Variants in ELMO1 observed in about 807,000 individuals in gnomAD.
ELMO1 encodes engulfment and cell motility protein 1.
ELMO1 carries 26 observed loss-of-function variants against 98.9 expected under a neutral mutation model. The observed-to-expected ratio is 0.26, with a 90% confidence interval of 0.19 to 0.36. The LOEUF (loss-of-function observed/expected upper bound fraction) is 0.36. Ranked by LOEUF, ELMO1 falls within the 10% of genes least tolerant of loss-of-function variation. The pLI is 1.00. For synonymous variants in ELMO1, 346 were observed against 346.0 expected (o/e 1.00, Z 0.00); for missense variants, 627 against 935.2 (o/e 0.67, Z 4.30).
chr7:36,861,419 AT>A (rs1470575413), intron 21 of ELMO1, among the ~76,000 whole-genome samples: 1 of 152,054 alleles, frequency 6.6e-6, no homozygotes, highest in East Asian at 1.9e-4. Context: ...CCTTTGCTGC[AT>A]TTGAGGCCTT....
chr7:37,169,099 G>A (rs1466963492), intron 13 of ELMO1, among the ~76,000 whole-genome samples: 2 of 152,200 alleles, frequency 1.3e-5, no homozygotes, highest in African/African-American at 4.8e-5. Context: ...TCAGACTGCT[G>A]TGCTAGCAAT....
At chr7:37,132,184 G>A (rs866394707) in intron 14 of ELMO1, among the ~76,000 whole-genome samples, 2 of 152,156 alleles carry the variant, frequency 1.3e-5, no homozygotes, top group Non-Finnish European at 2.9e-5. Flanking sequence ...TGCCAGGCTC[G>A]AACCCAGGTC....
chr7:37,335,374 A>T (rs933285132), intron 2 of ELMO1, among the ~76,000 whole-genome samples: 1 of 152,112 alleles, frequency 6.6e-6, no homozygotes, highest in Admixed American at 6.5e-5. Flanking sequence ...AATGTGCGGG[A>T]ACAAGCGTCT....
At chr7:37,235,805 C>T (rs1007168560) in intron 7 of ELMO1, among the ~76,000 whole-genome samples, 13 of 152,136 alleles carry the variant, frequency 8.5e-5, no homozygotes, top group African/African-American at 1.9e-4. Context: ...TGGTGGCGGG[C>T]GCCTGTAGTT....
At chr7:37,328,187 A>G (rs1381843802) in intron 2 of ELMO1, among the ~76,000 whole-genome samples, 2 of 152,102 alleles carry the variant, frequency 1.3e-5, no homozygotes, top group Non-Finnish European at 2.9e-5. Flanking sequence ...GTTCGAGACC[A>G]GCCTGGCCAC....
At chr7:37,268,379 G>A (rs1402369542) in intron 5 of ELMO1, among the ~76,000 whole-genome samples, 1 of 152,182 alleles carries the variant, frequency 6.6e-6, no homozygotes, top group East Asian at 1.9e-4. Flanking sequence ...TCAGCTCACT[G>A]TAACCTCCGC....
rs142375042 is a variant in ELMO1, at chr7:36,930,950, C to T, written c.1438-35933G>A. ...CACCTTCAGTCTCCTATCTCTTCCT[C>T]CATCAGTCCTCAAAAGCGGTCAGAA... On this transcript the variant is annotated intron_variant, in intron 16 of 21. Coordinates refer to ENST00000310758, the MANE Select transcript of ELMO1 (RefSeq NM_014800.11). Among the ~76,000 whole-genome samples the T allele has an allele frequency of 1.7e-3, 255 of 152,340 alleles. 1 individual carries two copies. Among genetic ancestry groups the T allele is most frequent in the African/African-American group, 5.9e-3 (245 of 41,586 alleles).
At chr7:37,371,668 A>T (rs958297418) in intron 1 of ELMO1, among the ~76,000 whole-genome samples, 1 of 152,222 alleles carries the variant, frequency 6.6e-6, no homozygotes, top group South Asian at 2.1e-4. Context: ...TTCCTAAAGA[A>T]GTCAGGCGCA....
At chr7:37,160,998 T>C (rs1179291837) in intron 13 of ELMO1, among the ~76,000 whole-genome samples, 8 of 152,120 alleles carry the variant, frequency 5.3e-5, no homozygotes, top group Non-Finnish European at 8.8e-5. Flanking sequence ...CTTCTTCCCC[T>C]ACAACACTGG....
At chr7:36,975,995 C>T (rs990748944) in intron 16 of ELMO1, among the ~76,000 whole-genome samples, 3 of 152,164 alleles carry the variant, frequency 2.0e-5, no homozygotes, top group African/African-American at 7.2e-5. Flanking sequence ...ATATTTTCCT[C>T]CTTGAATAGG....
intron 6 of ELMO1, among the ~76,000 whole-genome samples, chr7:37,248,812 A>T (rs1795160304): frequency 6.6e-6 from 1 of 152,258 alleles, no homozygotes; most frequent in Non-Finnish European, 1.5e-5. Context: ...AACAGCCAAG[A>T]CTTCTAAGAG....
At chr7:36,863,388 C>T (rs1204171467) in intron 20 of ELMO1, among the ~76,000 whole-genome samples, 1 of 151,988 alleles carries the variant, frequency 6.6e-6, no homozygotes, top group Non-Finnish European at 1.5e-5. Flanking sequence ...TTTTAATTTA[C>T]AATTAAAATA....
At chr7:36,860,923 A>AAC (rs1274820059) in intron 21 of ELMO1, among the ~76,000 whole-genome samples, 1 of 152,224 alleles carries the variant, frequency 6.6e-6, no homozygotes, top group Non-Finnish European at 1.5e-5. Context: ...GGAAATGGGG[A>AAC]ACAAAAGTCA....
intron 16 of ELMO1, among the ~76,000 whole-genome samples, chr7:36,907,648 G>C (rs1307495653): frequency 1.3e-5 from 2 of 152,128 alleles, no homozygotes; most frequent in South Asian, 2.1e-4. Context: ...TTATTGCAAT[G>C]GTTTCCAGAA....
Position 36,854,182 on chromosome 7 carries a change from T to TG in ELMO1, c.*1368_*1369insC, listed in dbSNP as rs551996679. On this transcript the variant is annotated 3_prime_UTR_variant, in exon 22 of 22. Transcript: ENST00000310758. ...CTGATGCTCAGAGCCTATGGTGACCTAGCAATGGTGGAGGGTTTCCCACAG... is the reference window on the plus strand; with the variant it reads ...CTGATGCTCAGAGCCTATGGTGACCTGAGCAATGGTGGAGGGTTTCCCACAG... Among the ~76,000 whole-genome samples the TG allele has an allele frequency of 7.1e-3, 1,082 of 152,262 alleles. 13 individuals carry two copies. Among genetic ancestry groups the TG allele is most frequent in the African/African-American group, 0.024 (1,017 of 41,530 alleles).
intron 16 of ELMO1, among the ~76,000 whole-genome samples, chr7:36,896,218 C>A (rs1362838195): frequency 6.6e-6 from 1 of 152,164 alleles, no homozygotes; most frequent in African/African-American, 2.4e-5. Context: ...GCTAGTATCA[C>A]TATGTAAAAG....
intron 16 of ELMO1, among the ~76,000 whole-genome samples, chr7:36,936,788 TC>T (rs2129090111): frequency 6.6e-6 from 1 of 152,334 alleles, no homozygotes; most frequent in South Asian, 2.1e-4. Flanking sequence ...TGTTTGGTTT[TC>T]TGTTGCTTAC....
intron 15 of ELMO1, among the ~76,000 whole-genome samples, chr7:37,075,209 C>G (rs1024241537): frequency 6.7e-6 from 1 of 150,224 alleles, no homozygotes; most frequent in African/African-American, 2.5e-5. Flanking sequence ...TGCAGTGGCA[C>G]GATCTCTGCT....
intron 15 of ELMO1, among the ~76,000 whole-genome samples, chr7:37,028,528 C>T (rs1794706707): frequency 6.6e-6 from 1 of 152,118 alleles, no homozygotes; most frequent in Non-Finnish European, 1.5e-5. Context: ...AGACAATTCA[C>T]AGACTTTTCA....
Sources: gnomAD v4.1 joint callset for allele counts (sites outside exome capture counted in the v4.1 genomes callset) on GRCh38, gnomAD v4.1.1 for gene constraint, MANE v1.5 for transcripts, NCBI Gene and HGNC (gene_info 2026-07-23, HGNC 2026-07-21) for gene names.